The following LMNB1 variants were observed in gnomAD, a reference collection of about 807,000 sequenced individuals.
The protein encoded by LMNB1 is lamin-B1.
A neutral mutation model predicts 67.1 loss-of-function variants in LMNB1; 23 were observed. That is an observed-to-expected ratio of 0.34 (90% CI 0.25 to 0.49). The LOEUF (loss-of-function observed/expected upper bound fraction) is 0.49, where lower values mean the gene tolerates loss of function less well. Among genes scored for constraint, LMNB1 ranks in the 20% least tolerant of loss-of-function variants. LMNB1 has a pLI of 0.99. For synonymous variants in LMNB1, 281 were observed against 282.9 expected (o/e 0.99, Z 0.07); for missense variants, 634 against 746.5 (o/e 0.85, Z 1.76).
intron 1 of LMNB1, among the ~76,000 whole-genome samples, chr5:126,789,850 T>A (rs996252387): frequency 2.0e-5 from 3 of 152,130 alleles, no homozygotes; most frequent in African/African-American, 7.2e-5. Flanking sequence ...ATTTTTTGTA[T>A]TTTTAGTAGA....
Position 126,826,056 on chromosome 5 carries a change from G to T in LMNB1, c.1560G>T (p.Ser520=). The change falls in exon 9 of 11, where the codon TCG becomes TCT. Residue 520 remains serine (S), a synonymous_variant. Transcript: ENST00000261366. ...ACCTCATCTGGAAGAACCAGAACTCGTGGGGCACTGGCGAAGATGTGAAGG... is the reference window on the plus strand; with the variant it reads ...ACCTCATCTGGAAGAACCAGAACTCTTGGGGCACTGGCGAAGATGTGAAGG... ...PTDLIWKNQN[S]WGTGEDVKVI... is the part of the protein sequence containing the mutation. The T allele has an allele frequency of 1.2e-6, 2 of 1,614,036 alleles. No individual in the cohort carries two copies. Among genetic ancestry groups the T allele is most frequent in the Non-Finnish European group, 1.7e-6 (2 of 1,179,948 alleles).
chr5:126,833,173 A>G (rs1343801628), intron 10 of LMNB1, among the ~76,000 whole-genome samples: 1 of 152,198 alleles, frequency 6.6e-6, no homozygotes, highest in African/African-American at 2.4e-5. Context: ...CTGCATATAA[A>G]CTTTAAAAAA....
intron 8 of LMNB1, among the ~76,000 whole-genome samples, chr5:126,823,854 A>G (rs6595739): frequency 6.6e-6 from 1 of 152,208 alleles, no homozygotes; most frequent in Non-Finnish European, 1.5e-5. Context: ...AGTAATTACT[A>G]TAGTGAGAAA....
At chr5:126,835,717 G>T (rs1441766208) in intron 10 of LMNB1, among the ~76,000 whole-genome samples, 2 of 152,170 alleles carry the variant, frequency 1.3e-5, no homozygotes. Flanking sequence ...AACTCCTCAG[G>T]ATCTGAATGT....
At chr5:126,824,972 G>A (rs1333233801) in intron 8 of LMNB1, among the ~76,000 whole-genome samples, 6 of 152,008 alleles carry the variant, frequency 3.9e-5, no homozygotes, top group Non-Finnish European at 8.8e-5. Context: ...ACAGGCTGGA[G>A]CCACTACACC....
At chr5:126,798,899 G>C (rs2112946092) in intron 1 of LMNB1, among the ~76,000 whole-genome samples, 1 of 152,218 alleles carries the variant, frequency 6.6e-6, no homozygotes, top group East Asian at 1.9e-4. Context: ...TCTTGAGGTA[G>C]CTAAGCATAT....
chr5:126,804,745 T>A, intron 1 of LMNB1, 31 bp from the exon 2 acceptor site: 1 of 1,604,434 alleles, frequency 6.2e-7, no homozygotes, highest in South Asian at 1.1e-5. Context: ...CAGTATGGTT[T>A]GATGTCTTAT....
chr5:126,812,871 C>T (rs1431488916), intron 5 of LMNB1, among the ~76,000 whole-genome samples: 1 of 152,022 alleles, frequency 6.6e-6, no homozygotes, highest in Non-Finnish European at 1.5e-5. Context: ...GCTGGGACTA[C>T]AAGTGCGTGC....
intron 1 of LMNB1, among the ~76,000 whole-genome samples, chr5:126,800,982 A>ATATAAAATTTTTTTTT: frequency 5.4e-5 from 1 of 18,632 alleles, no homozygotes; most frequent in African/African-American, 1.7e-4. Flanking sequence ...TATATATATA[A>ATATAAAATTTTTTTTT]TTTTTTTTTT....
chr5:126,777,757 G>A lies in LMNB1; in HGVS notation c.249G>A (p.Glu83=). ...TCACCGGCCTCAAGGCGCTCTACGAGACCGAGCTGGCCGACGCGCGACGCG... is the reference window on the plus strand; with the variant it reads ...TCACCGGCCTCAAGGCGCTCTACGAAACCGAGCTGGCCGACGCGCGACGCG... ...RELTGLKALY[E]TELADARRAL... Residue 83 remains glutamate, a synonymous_variant, in exon 1 of 11, where the codon GAG becomes GAA. Coordinates refer to ENST00000261366, the MANE Select transcript of LMNB1 (RefSeq NM_005573.4). 6.5e-7 allele frequency: 1 copy of A among 1,527,238 alleles called. No homozygotes were observed. Among genetic ancestry groups the A allele is most frequent in the Non-Finnish European group, 8.8e-7 (1 of 1,134,786 alleles). The allele number at this position is 1,527,238 out of a possible 1,614,324, so 94.6% of individuals were successfully genotyped here.
rs1750813327 is a variant in LMNB1 at position 126,787,354 on chromosome 5, T to C, written c.359+9487T>C. On this transcript the variant is annotated intron_variant, in intron 1 of 10. Transcript: ENST00000261366. ...TAGGGATTTGCTTCTAAATGGAAAA[T>C]GGAGAGTGAGTTGTCCTGAATGTCA... Among the ~76,000 whole-genome samples the C allele has an allele frequency of 2.1e-5, 3 of 144,334 alleles. No homozygotes were observed. The Admixed American group carries it at 2.1e-4, about 10-fold the overall frequency. 94.7% of individuals were successfully genotyped at this position (144,334 alleles called of 152,430 possible). A position where few individuals can be genotyped will look rare whatever the true frequency, so the allele number is the denominator to read the frequency against.
rs1330248667 is a variant in LMNB1, at chr5:126,822,825, C to T, written c.1431C>T (p.Asp477=). The part of the protein sequence containing the change: ...GGWEMIRKIG[D]TSVSYKYTSR... Reference sequence around the variant, plus strand: ...GGGAGATGATCAGAAAAATTGGAGACACATCAGTCAGTTATAAATATACCT... The same window carrying T: ...GGGAGATGATCAGAAAAATTGGAGATACATCAGTCAGTTATAAATATACCT... Residue 477 remains aspartate (D), a synonymous_variant, in exon 8 of 11, where the codon GAC becomes GAT. Coordinates refer to ENST00000261366, the MANE Select transcript of LMNB1 (RefSeq NM_005573.4). The T allele has an allele frequency of 6.2e-7, 1 of 1,613,076 alleles. No homozygotes were observed. Among genetic ancestry groups the T allele is most frequent in the Non-Finnish European group, 8.5e-7 (1 of 1,179,254 alleles).
chr5:126,803,273 T>C (rs1199058812), intron 1 of LMNB1, among the ~76,000 whole-genome samples: 4 of 151,834 alleles, frequency 2.6e-5, no homozygotes, highest in African/African-American at 9.7e-5. Flanking sequence ...GAGACGGAGT[T>C]TCACTCTTGT....
intron 5 of LMNB1, among the ~76,000 whole-genome samples, chr5:126,812,326 A>G (rs903576154): frequency 5.3e-5 from 8 of 152,268 alleles, no homozygotes; most frequent in Non-Finnish European, 1.0e-4. Context: ...GTTTCTAGAC[A>G]AATTCTTTAG....
intron 1 of LMNB1, among the ~76,000 whole-genome samples, chr5:126,781,388 G>A (rs989794641): frequency 3.9e-5 from 6 of 152,178 alleles, no homozygotes; most frequent in South Asian, 2.1e-4. Flanking sequence ...ATAGCTTTGG[G>A]CTAGGTATAG....
chr5:126,782,572 CAG>C (rs1750657650), intron 1 of LMNB1, among the ~76,000 whole-genome samples: 1 of 152,142 alleles, frequency 6.6e-6, no homozygotes, highest in African/African-American at 2.4e-5. Context: ...TTTTTTGACA[CAG>C]AGTCTCGCTC....
At chr5:126,798,435 G>A (rs1412611447) in intron 1 of LMNB1, among the ~76,000 whole-genome samples, 2 of 152,104 alleles carry the variant, frequency 1.3e-5, no homozygotes, top group African/African-American at 2.4e-5. Flanking sequence ...GGGCCACAGA[G>A]CGAGACTCTG....
chr5:126,810,506 G>A (rs1417325020), intron 4 of LMNB1, among the ~76,000 whole-genome samples, 156 bp downstream of exon 4: 2 of 152,156 alleles, frequency 1.3e-5, no homozygotes, highest in East Asian at 1.9e-4. Context: ...TCAAAAAAGT[G>A]CAGTTTTCTA....
chr5:126,819,199 T>A (rs1382730828), intron 6 of LMNB1, 57 bp downstream of exon 6: 2 of 1,163,344 alleles, frequency 1.7e-6, no homozygotes, highest in Non-Finnish European at 2.5e-6. Context: ...CTCACCCTTT[T>A]TATTGAAATA....
Sources: allele counts gnomAD v4.1 joint callset (sites outside exome capture counted in the v4.1 genomes callset), GRCh38; gene constraint gnomAD v4.1.1; transcripts MANE v1.5; gene names NCBI Gene and HGNC (gene_info 2026-07-23, HGNC 2026-07-21).